Variants in PCDH15 observed in about 807,000 individuals in gnomAD.
PCDH15 encodes the protein protocadherin-15.
In PCDH15, 129 loss-of-function variants were observed where a neutral mutation model predicts 178.5. That is an observed-to-expected ratio of 0.72 (90% CI 0.63 to 0.84). The LOEUF (loss-of-function observed/expected upper bound fraction) is 0.84, where lower values mean the gene tolerates loss of function less well. Among genes scored for constraint, PCDH15 ranks in the 40% least tolerant of loss-of-function variants. PCDH15 has a pLI of 0.00. For missense variants in PCDH15, 2,230 were observed against 2,099.9 expected (o/e 1.06, Z -1.21); for synonymous variants, 800 against 732.0 (o/e 1.09, Z -1.50).
chr10:54,199,638 T>C (rs2050035269), intron 10 of PCDH15, among the ~76,000 whole-genome samples: 1 of 151,204 alleles, frequency 6.6e-6, no homozygotes, highest in African/African-American at 2.4e-5. Flanking sequence ...AAAACTCTGA[T>C]ACAATTATCT....
intron 3 of PCDH15, among the ~76,000 whole-genome samples, chr10:54,454,449 TTTAA>T (rs1379889133): frequency 6.7e-6 from 1 of 148,900 alleles, no homozygotes; most frequent in Non-Finnish European, 1.5e-5. Flanking sequence ...TATTGTTAAT[TTTAA>T]TTAATTTTTA....
intron 2 of PCDH15, among the ~76,000 whole-genome samples, chr10:55,601,882 G>C (rs1181217149): frequency 6.6e-6 from 1 of 152,108 alleles, no homozygotes; most frequent in East Asian, 1.9e-4. Flanking sequence ...CACGGGGGGA[G>C]GAGCCAAGAT....
At chr10:54,914,263 G>A (rs1028351421) in intron 2 of PCDH15, among the ~76,000 whole-genome samples, 2 of 152,070 alleles carry the variant, frequency 1.3e-5, no homozygotes, top group Non-Finnish European at 2.9e-5. Context: ...TCATGATAGG[G>A]AGTGAGTTAT....
At chr10:55,193,943 A>C (rs1306763377) in intron 1 of PCDH15, among the ~76,000 whole-genome samples, 1 of 151,972 alleles carries the variant, frequency 6.6e-6, no homozygotes, top group East Asian at 1.9e-4. Flanking sequence ...TGATGCTAAA[A>C]CATAATTTAC....
chr10:54,933,205 T>G lies in PCDH15; in HGVS notation c.-79-35705A>C, dbSNP rs1385957471. 2.0e-5 allele frequency among the ~76,000 whole-genome samples: 3 copies of G among 151,168 alleles called. No homozygotes were observed. In the Admixed American group the frequency reaches 2.0e-4, roughly 10 times the overall value. The stretch of plus-strand genomic sequence containing the variant: ...ATGTTCATACAACAAAATCTCATAA[T>G]GACACATTTCTCAGACTGTATCTCT... On this transcript the variant is annotated intron_variant, in intron 2 of 5. Coordinates refer to the PCDH15 transcript ENST00000458638.
chr10:55,608,556 A>G (rs1490115682), intron 2 of PCDH15, among the ~76,000 whole-genome samples: 1 of 151,990 alleles, frequency 6.6e-6, no homozygotes, highest in Non-Finnish European at 1.5e-5. Context: ...AGTAATTGGT[A>G]TATATCTGTT....
chr10:53,869,073 G>A (rs946836454), intron 26 of PCDH15, among the ~76,000 whole-genome samples: 1 of 152,156 alleles, frequency 6.6e-6, no homozygotes, highest in Admixed American at 6.5e-5. Flanking sequence ...CTACCAAAGT[G>A]CTGGGATTAC....
intron 1 of PCDH15, among the ~76,000 whole-genome samples, chr10:54,682,241 A>C (rs993437316): frequency 6.6e-6 from 1 of 152,152 alleles, no homozygotes; most frequent in African/African-American, 2.4e-5. Context: ...TTACCAATTA[A>C]AATATTTTGA....
chr10:55,304,361 A>C (rs1429991646), intron 1 of PCDH15, among the ~76,000 whole-genome samples: 1 of 152,026 alleles, frequency 6.6e-6, no homozygotes, highest in Non-Finnish European at 1.5e-5. Context: ...AAAAAATAAA[A>C]CCTAAGTATA....
chr10:54,218,666 T>C (rs1360847602), intron 9 of PCDH15, among the ~76,000 whole-genome samples: 1 of 151,138 alleles, frequency 6.6e-6, no homozygotes, highest in African/African-American at 2.5e-5. Context: ...AAAACACCTT[T>C]CTGTTGCTTA....
chr10:55,530,150 G>C (rs1462129168), intron 2 of PCDH15, among the ~76,000 whole-genome samples: 1 of 151,562 alleles, frequency 6.6e-6, no homozygotes, highest in Non-Finnish European at 1.5e-5. Flanking sequence ...CTTATAATAA[G>C]GAGTCTAATT....
In PCDH15 at chr10:54,822,325, C is replaced by G. The variant is rs73252085; in HGVS notation, c.-29+75125G>C. 3.7e-3 allele frequency among the ~76,000 whole-genome samples: 561 copies of G among 152,212 alleles called. 1 individual carries two copies. The highest frequency in any genetic ancestry group is 0.013 in the African/African-American group (539 of 41,548). Reference sequence around the variant, plus strand: ...CTCTCAGCCTCTGGTAACCACCACTCTACTCTCTGCCTCCATGAGGTCAAT... The same window carrying G: ...CTCTCAGCCTCTGGTAACCACCACTGTACTCTCTGCCTCCATGAGGTCAAT... On this transcript the variant is annotated intron_variant, in intron 3 of 5. Coordinates refer to the PCDH15 transcript ENST00000458638.
chr10:54,672,887 A>C (rs1409451864), intron 1 of PCDH15, among the ~76,000 whole-genome samples: 9 of 152,114 alleles, frequency 5.9e-5, no homozygotes, highest in Non-Finnish European at 1.3e-4. Context: ...GTAGGAAATA[A>C]GGTTTTAAAT....
At chr10:53,992,964 C>T (rs1019788446) in intron 21 of PCDH15, among the ~76,000 whole-genome samples, 3 of 152,088 alleles carry the variant, frequency 2.0e-5, no homozygotes, top group African/African-American at 7.2e-5. Flanking sequence ...AGAGTTTTTC[C>T]AGTTTCTCTG....
At chr10:54,455,103 T>G (rs886885258) in intron 3 of PCDH15, among the ~76,000 whole-genome samples, 1 of 152,194 alleles carries the variant, frequency 6.6e-6, no homozygotes, top group African/African-American at 2.4e-5. Flanking sequence ...ATGTGTTTAC[T>G]TCCCCTTCCA....
At chr10:54,894,560 T>C (rs1954516556) in intron 3 of PCDH15, among the ~76,000 whole-genome samples, 2 of 152,142 alleles carry the variant, frequency 1.3e-5, no homozygotes, top group South Asian at 4.1e-4. Flanking sequence ...TTGGAAACAT[T>C]TTGTAGTTCA....
intron 1 of PCDH15, among the ~76,000 whole-genome samples, chr10:55,168,759 A>G (rs1017821658): frequency 6.6e-6 from 1 of 152,210 alleles, no homozygotes; most frequent in Non-Finnish European, 1.5e-5. Flanking sequence ...TTTTATGTGT[A>G]CAGTATATGT....
chr10:54,864,608 T>C (rs1953902896), intron 3 of PCDH15: 2 of 152,180 alleles, frequency 1.3e-5, no homozygotes, highest in South Asian at 2.1e-4. Flanking sequence ...TGTGTGAATC[T>C]GCATCAAGGT....
intron 5 of PCDH15, among the ~76,000 whole-genome samples, chr10:54,366,560 A>G (rs1293110712): frequency 1.3e-5 from 2 of 152,050 alleles, no homozygotes; most frequent in African/African-American, 4.8e-5. Context: ...AATAGATAAA[A>G]TTCATGTCAA....
Sources: gnomAD v4.1 joint callset for allele counts (sites outside exome capture counted in the v4.1 genomes callset) on GRCh38, gnomAD v4.1.1 for gene constraint, MANE v1.5 for transcripts, NCBI Gene and HGNC (gene_info 2026-07-23, HGNC 2026-07-21) for gene names.